Variants in STAT3 observed in about 807,000 individuals in gnomAD.
The protein encoded by STAT3 is signal transducer and activator of transcription 3.
In STAT3, 7 loss-of-function variants were observed where a neutral mutation model predicts 114.3. That is an observed-to-expected ratio of 0.06 (90% CI 0.03 to 0.11). The LOEUF is 0.11. STAT3 is among the 10% of genes least tolerant of loss of function. The pLI is 1.00. For synonymous variants in STAT3, 331 were observed against 354.5 expected (o/e 0.93, Z 0.74); for missense variants, 364 against 960.9 (o/e 0.38, Z 8.21).
chr17:42,386,418 T>C (rs1489204521), intron 1 of STAT3, among the ~76,000 whole-genome samples: 1 of 152,208 alleles, frequency 6.6e-6, no homozygotes, highest in Non-Finnish European at 1.5e-5. Flanking sequence ...ATCTACGATA[T>C]TAGGGTAATT....
chr17:42,348,683 T>C (rs1222679715), intron 1 of STAT3, 144 bp from the exon 2 acceptor site: 3 of 995,596 alleles, frequency 3.0e-6, no homozygotes, highest in Non-Finnish European at 4.4e-6. Context: ...TCTCCCAGTT[T>C]ATTTTATTTT....
intron 1 of STAT3, among the ~76,000 whole-genome samples, chr17:42,361,272 G>A (rs1232722725): frequency 6.6e-6 from 1 of 152,116 alleles, no homozygotes; most frequent in Non-Finnish European, 1.5e-5. Context: ...GCTGACGTCA[G>A]GAGTTCAAAA....
intron 1 of STAT3, among the ~76,000 whole-genome samples, chr17:42,370,632 GT>G (rs917961606): frequency 2.3e-4 from 33 of 141,450 alleles, no homozygotes; most frequent in Non-Finnish European, 2.5e-4. Context: ...TTCTTTTTTT[GT>G]TTTTTTTTTT....
intron 21 of STAT3, among the ~76,000 whole-genome samples, 193 bp downstream of exon 21, chr17:42,322,089 C>G (rs146269043): frequency 5.2e-4 from 79 of 152,296 alleles, no homozygotes; most frequent in African/African-American, 1.8e-3. Context: ...AACTACACTA[C>G]TCTAAGTGAT....
chr17:42,355,635 G>A (rs570331801), intron 1 of STAT3, among the ~76,000 whole-genome samples: 1 of 152,176 alleles, frequency 6.6e-6, no homozygotes, highest in East Asian at 1.9e-4. Context: ...AGTCCCTTGG[G>A]GATAACCTAC....
chr17:42,387,600 T>C (rs576611073), intron 1 of STAT3: 2 of 152,184 alleles, frequency 1.3e-5, no homozygotes, highest in East Asian at 3.9e-4. Flanking sequence ...TATTTTGTCT[T>C]TTTTTCTCTT....
chr17:42,333,686 T>C lies in STAT3; in HGVS notation c.1036A>G (p.Thr346Ala). ...GGCATGGCCTACCTGACTTTAGTAG[T>C]GAACTGGACGCCGGTCTTGATGACG... is the stretch of plus-strand genomic sequence containing the variant. ...PLVIKTGVQF[T>A]TKVRLLVKFP... Residue 346 changes from threonine to alanine, a missense_variant, in exon 10 of 24, where the codon ACT becomes GCT. Thr to Ala is a moderately conservative substitution (Grantham distance 58, BLOSUM62 0). This residue lies in a region of STAT3 where 294 missense variants were observed against 745.1 expected (regional missense o/e 0.39). Transcript: ENST00000264657. The surrounding 1 kb of genome is among the most constrained non-coding windows in gnomAD (Gnocchi z 5.2). 1 of 1,614,066 alleles carries C rather than the reference T, an allele frequency of 6.2e-7. No homozygotes were observed. Among genetic ancestry groups the C allele is most frequent in the East Asian group, 2.2e-5 (1 of 44,882 alleles).
chr17:42,366,370 G>A (rs9898794), intron 1 of STAT3, among the ~76,000 whole-genome samples: 152,216 of 152,256 alleles, frequency 1, 76,088 homozygotes, highest in Middle Eastern at 1. Context: ...TGTTGGCTCT[G>A]TCTTCAAAAT....
intron 1 of STAT3, among the ~76,000 whole-genome samples, chr17:42,362,152 TA>T (rs1267444505): frequency 2.0e-5 from 3 of 152,242 alleles, no homozygotes; most frequent in South Asian, 4.1e-4. Context: ...ACACAGTCTC[TA>T]AAAACTGTTT....
At position 42,324,321 on chromosome 17, in the gene STAT3, A is replaced by AAAT. The variant is rs1555564207; in HGVS notation, c.1600+389_1600+390insATT. 3.3e-3 allele frequency among the ~76,000 whole-genome samples: 500 copies of AAAT among 152,224 alleles called. 2 individuals are homozygous for AAAT. Among genetic ancestry groups the AAAT allele is most frequent in the African/African-American group, 0.011 (477 of 41,510 alleles). ...GCAACAGAGCAAGACTCGTCTCAAA[A>AAAT]AAATAAATAAATAAATAAAATAAGA... On this transcript the variant is annotated intron_variant, in intron 17 of 23. Transcript: ENST00000264657. The surrounding 1 kb of genome is among the most constrained non-coding windows in gnomAD (Gnocchi z 4.5).
Position 42,337,640 on chromosome 17 carries a change from C to G in STAT3, c.646-54G>C. ...AACATTTCCTCAGACTGTCTCTAAC[C>G]ACATTCTTTAGTCAACTCCAGAGCA... On this transcript the variant is annotated intron_variant, in intron 7 of 23. Transcript: ENST00000264657. The surrounding 1 kb of genome is among the most constrained non-coding windows in gnomAD (Gnocchi z 4.0). 6.2e-7 allele frequency: 1 copy of G among 1,614,076 alleles called. No individual in the cohort carries two copies. The highest frequency in any genetic ancestry group is 8.5e-7 in the Non-Finnish European group (1 of 1,179,942).
chr17:42,356,172 A>C (rs1246576477), intron 1 of STAT3, among the ~76,000 whole-genome samples: 1 of 152,244 alleles, frequency 6.6e-6, no homozygotes, highest in Non-Finnish European at 1.5e-5. Context: ...ATTCTATAGG[A>C]ACCAGTCCTT....
At chr17:42,352,529 A>G (rs2083018652) in intron 1 of STAT3, among the ~76,000 whole-genome samples, 1 of 150,828 alleles carries the variant, frequency 6.6e-6, no homozygotes, top group Non-Finnish European at 1.5e-5. Flanking sequence ...ATCAAAGGCC[A>G]TTAGATCTCT....
At chr17:42,326,998 T>C (rs1365920298) in intron 14 of STAT3, among the ~76,000 whole-genome samples, 3 of 152,176 alleles carry the variant, frequency 2.0e-5, no homozygotes, top group Non-Finnish European at 4.4e-5. Context: ...GCACTTACTC[T>C]CTTCAACACC....
Position 42,313,905 on chromosome 17 carries a change from TCTCCCCCTTA to T in STAT3, c.*1830_*1839del. 1 of 232,544 alleles carries T rather than the reference TCTCCCCCTTA, an allele frequency of 4.3e-6. No individual in the cohort carries two copies. The highest frequency in any genetic ancestry group is 8.5e-6 in the Non-Finnish European group (1 of 117,264). 14.4% of individuals were successfully genotyped at this position (232,544 alleles called of 1,614,324 possible). A position where few individuals can be genotyped will look rare whatever the true frequency, so the allele number is the denominator to read the frequency against. ...ACCCTGTTCATCTTAGAGAAGGTCG[TCTCCCCCTTA>T]ATTCAGAGACCAGCTAATTTGATTT... On this transcript the variant is annotated 3_prime_UTR_variant, in exon 24 of 24. Coordinates refer to ENST00000264657, the MANE Select transcript of STAT3 (RefSeq NM_139276.3).
At chr17:42,387,564 C>G (rs927747094) in intron 1 of STAT3, 3 of 152,176 alleles carry the variant, frequency 2.0e-5, no homozygotes, top group African/African-American at 7.2e-5. Flanking sequence ...CTCTCTAGAG[C>G]TGGCTTGACG....
At chr17:42,352,506 C>T (rs1390612756) in intron 1 of STAT3, among the ~76,000 whole-genome samples, 1 of 151,888 alleles carries the variant, frequency 6.6e-6, no homozygotes, top group Non-Finnish European at 1.5e-5. Context: ...GTATTGATTG[C>T]CCTCTGTAAG....
rs1451106961 is a variant in STAT3, at chr17:42,324,322, A to C, written c.1600+389T>G. ...CAACAGAGCAAGACTCGTCTCAAAA[A>C]AATAAATAAATAAATAAAATAAGAC... On this transcript the variant is annotated intron_variant, in intron 17 of 23. Transcript: ENST00000264657. The surrounding 1 kb of genome is among the most constrained non-coding windows in gnomAD (Gnocchi z 4.5). Among the ~76,000 whole-genome samples, 1 of 151,704 alleles carries C rather than the reference A, an allele frequency of 6.6e-6. No homozygotes were observed. The highest frequency in any genetic ancestry group is 1.5e-5 in the Non-Finnish European group (1 of 68,012).
chr17:42,331,972 G>C (rs1415418633), intron 10 of STAT3, among the ~76,000 whole-genome samples: 1 of 151,118 alleles, frequency 6.6e-6, no homozygotes, highest in African/African-American at 2.4e-5. Flanking sequence ...TCGTTACCCA[G>C]GCTGGAGTGC....
Sources: allele counts gnomAD v4.1 joint callset (sites outside exome capture counted in the v4.1 genomes callset), GRCh38; gene constraint gnomAD v4.1.1; regional missense constraint gnomAD v4.1.1; non-coding constraint Gnocchi (gnomAD v3.1); transcripts MANE v1.5; gene names NCBI Gene and HGNC (gene_info 2026-07-23, HGNC 2026-07-21).